Variants in MAST4 observed in about 807,000 individuals in gnomAD.
MAST4 encodes the protein microtubule-associated serine/threonine-protein kinase 4.
A neutral mutation model predicts 162.7 loss-of-function variants in MAST4; 89 were observed. The ratio of observed to expected loss-of-function variants is 0.55; its 90% CI spans 0.46 to 0.65. The LOEUF is 0.65. Among genes scored for constraint, MAST4 ranks in the 30% least tolerant of loss-of-function variants. MAST4 has a pLI of 0.00. For missense variants in MAST4, 3,153 were observed against 3,374.0 expected, an observed-to-expected ratio of 0.93 and a Z score of 1.62; for synonymous variants, 1,479 against 1,361.1, an observed-to-expected ratio of 1.09 and a Z score of -1.91.
intron 4 of MAST4, among the ~76,000 whole-genome samples, chr5:66,924,092 C>T (rs1221525233): frequency 1.3e-5 from 2 of 152,150 alleles, no homozygotes; most frequent in South Asian, 2.1e-4. Flanking sequence ...CTCCTTGTTG[C>T]CATCTCATCT....
At chr5:66,808,139 C>T (rs1226065467) in intron 3 of MAST4, among the ~76,000 whole-genome samples, 3 of 152,204 alleles carry the variant, frequency 2.0e-5, no homozygotes, top group Non-Finnish European at 4.4e-5. Flanking sequence ...AAGTGGGAGA[C>T]ATGAATCTAA....
At chr5:66,824,716 T>C (rs888366921) in intron 3 of MAST4, among the ~76,000 whole-genome samples, 10 of 152,356 alleles carry the variant, frequency 6.6e-5, no homozygotes, top group African/African-American at 1.2e-4. Context: ...GTGAACATCA[T>C]TGAGTGTACT....
rs1554077141 is a variant in MAST4 at position 66,986,616 on chromosome 5, A to ATATATATATTTATT, written c.675-67785_675-67784insATATATTTATTTAT. 268 of 199,748 alleles carry ATATATATATTTATT rather than the reference A, an allele frequency of 1.3e-3. 1 individual carries two copies. The highest frequency in any genetic ancestry group is 6.2e-3 in the African/African-American group (252 of 40,578). The allele number at this position is 199,748 out of a possible 1,614,324, so 12.4% of individuals were successfully genotyped here. A position where few individuals can be genotyped will look rare whatever the true frequency, so the allele number is the denominator to read the frequency against. Reference sequence around the variant, plus strand: ...TGTATGAATTTATATATATATATATATATTTATTTATTTATTTATTTTGAG... The same window carrying ATATATATATTTATT: ...TGTATGAATTTATATATATATATATATATATATATTTATTTATTTATTTATTTATTTATTTTGAG... On this transcript the variant is annotated intron_variant, in intron 4 of 28. Coordinates refer to ENST00000403625, the MANE Select transcript of MAST4 (RefSeq NM_001164664.2).
At chr5:67,123,868 A>T (rs1354634363) in intron 14 of MAST4, among the ~76,000 whole-genome samples, 2 of 152,192 alleles carry the variant, frequency 1.3e-5, no homozygotes. Context: ...TGTGCCAAAG[A>T]GGCGCATGTG....
chr5:66,701,818 A>AT (rs59684943), intron 1 of MAST4, among the ~76,000 whole-genome samples: 25,874 of 151,804 alleles, frequency 0.17, 2,543 homozygotes, highest in East Asian at 0.31. Context: ...AGGTTATAGG[A>AT]TTTTTTTTAA....
intron 4 of MAST4, among the ~76,000 whole-genome samples, chr5:67,033,659 T>C (rs192383688): frequency 8.9e-4 from 135 of 152,262 alleles, no homozygotes; most frequent in African/African-American, 3.1e-3. Flanking sequence ...GATTTCGTTA[T>C]ATGATAAGCT....
intron 16 of MAST4, 89 bp from the exon 17 acceptor site, chr5:67,133,425 C>A: frequency 7.0e-7 from 1 of 1,438,596 alleles, no homozygotes. Context: ...ATTAAATAGT[C>A]TTAGAAACTG....
At chr5:66,759,947 C>T (rs1753761159) in intron 2 of MAST4, 85 bp downstream of exon 2, 4 of 1,454,780 alleles carry the variant, frequency 2.7e-6, no homozygotes, top group Non-Finnish European at 3.7e-6. Context: ...ATGTAATCAG[C>T]TTTCTTAAGA....
Position 67,142,203 on chromosome 5 carries a change from A to C in MAST4, c.2583A>C (p.Gln861His), listed in dbSNP as rs56137208. ...LLRQKAEFIP[Q>H]LESEDDTSYF... ...GACAGAAGGCAGAATTTATTCCCCA[A>C]CTGGAATCTGAGGATGACACAAGTT... The change falls in exon 20 of 29, where the codon CAA becomes CAC. Residue 861 changes from glutamine (Q) to histidine (H), a missense_variant. By Grantham distance (24) the Gln-to-His change is conservative. Coordinates refer to ENST00000403625, the MANE Select transcript of MAST4 (RefSeq NM_001164664.2). The C allele has an allele frequency of 6.2e-7, 1 of 1,613,856 alleles. No individual in the cohort carries two copies. The highest frequency in any genetic ancestry group is 1.1e-5 in the South Asian group (1 of 91,076).
intron 5 of MAST4, among the ~76,000 whole-genome samples, chr5:67,070,226 T>G (rs1236387857): frequency 6.6e-6 from 1 of 152,204 alleles, no homozygotes; most frequent in Non-Finnish European, 1.5e-5. Flanking sequence ...CTCCCTTCTC[T>G]GGAGACATAG....
At chr5:67,038,983 G>A (rs961473053) in intron 4 of MAST4, among the ~76,000 whole-genome samples, 1 of 152,074 alleles carries the variant, frequency 6.6e-6, no homozygotes, top group African/African-American at 2.4e-5. Context: ...TTATGTAAAC[G>A]AGCTCCACAA....
In MAST4 at chr5:66,759,834, G is replaced by A; in HGVS notation, c.489G>A (p.Arg163=). The part of the protein sequence containing the change: ...RQLSEDGRQL[R]RGSLGGALTG... ...TGAGTGAGGATGGAAGACAGCTAAG[G>A]CGAGGGAGCCTGGGAGGAGCCCTGA... The change falls in exon 2 of 29, where the codon AGG becomes AGA. Residue 163 remains arginine (R), a synonymous_variant. Coordinates refer to ENST00000403625, the MANE Select transcript of MAST4 (RefSeq NM_001164664.2). 6.2e-7 allele frequency: 1 copy of A among 1,613,916 alleles called. No homozygotes were observed. The highest frequency in any genetic ancestry group is 1.3e-5 in the African/African-American group (1 of 75,018).
intron 1 of MAST4, among the ~76,000 whole-genome samples, chr5:66,750,790 C>G (rs1162654308): frequency 1.3e-5 from 2 of 152,232 alleles, no homozygotes; most frequent in African/African-American, 2.4e-5. Context: ...GGGTGGAGCC[C>G]ACCACAGCTC....
intron 3 of MAST4, among the ~76,000 whole-genome samples, chr5:66,865,220 T>C (rs36151): frequency 0.54 from 82,859 of 152,072 alleles, 23,826 homozygotes; most frequent in Non-Finnish European, 0.64. Flanking sequence ...TCTCAGATAG[T>C]TGGAAATGTC....
chr5:66,822,128 C>T (rs1757023956), intron 3 of MAST4, among the ~76,000 whole-genome samples: 1 of 152,168 alleles, frequency 6.6e-6, no homozygotes, highest in Admixed American at 6.5e-5. Context: ...TGCCGAGTTT[C>T]TCTTTGGCAA....
In MAST4 at chr5:66,710,551, T is replaced by C. The variant is rs144177985; in HGVS notation, c.364-49158T>C. 4.0e-4 allele frequency among the ~76,000 whole-genome samples: 61 copies of C among 152,284 alleles called. No homozygotes were observed. The East Asian group carries it at 0.011, about 28-fold the overall frequency. ...CCTGGACTTGGCCACTAAATTCTTATTCTACTTTTGTTATATAAAATAATA... is the reference window on the plus strand; with the variant it reads ...CCTGGACTTGGCCACTAAATTCTTACTCTACTTTTGTTATATAAAATAATA... On this transcript the variant is annotated intron_variant, in intron 1 of 28. Transcript: ENST00000403625.
In MAST4 at chr5:67,165,228, T is replaced by C. The variant is rs1773732614; in HGVS notation, c.6049T>C (p.Ser2017Pro). The C allele has an allele frequency of 1.2e-6, 2 of 1,612,228 alleles. No homozygotes were observed. Among genetic ancestry groups the C allele is most frequent in the Non-Finnish European group, 1.7e-6 (2 of 1,179,258 alleles). Residue 2017 changes from serine (S) to proline (P), a missense_variant, in exon 29 of 29, where the codon TCT becomes CCT. Coordinates refer to ENST00000403625, the MANE Select transcript of MAST4 (RefSeq NM_001164664.2). Reference protein sequence around the residue: ...KTSDNSKNLLSVGRTHPDFYT... With the variant: ...KTSDNSKNLLPVGRTHPDFYT... ...CAGTGACAACTCCAAAAATCTCCTC[T>C]CTGTGGGAAGGACCCACCCAGATTT...
chr5:66,866,126 C>T (rs559472550), intron 3 of MAST4, among the ~76,000 whole-genome samples: 8 of 149,970 alleles, frequency 5.3e-5, no homozygotes, highest in South Asian at 2.1e-4. Context: ...GTAGTTGCTG[C>T]GAAAAGTATT....
At chr5:66,636,581 G>T (rs1330181548) in intron 1 of MAST4, among the ~76,000 whole-genome samples, 3 of 152,318 alleles carry the variant, frequency 2.0e-5, no homozygotes, top group African/African-American at 7.2e-5. Context: ...GATTAGAGAA[G>T]AAAAGGTAGA....
Sources: allele counts gnomAD v4.1 joint callset (sites outside exome capture counted in the v4.1 genomes callset), GRCh38; gene constraint gnomAD v4.1.1; transcripts MANE v1.5; gene names NCBI Gene and HGNC (gene_info 2026-07-23, HGNC 2026-07-21).